The following ANTXR2 variants were observed in gnomAD, a reference collection of about 807,000 sequenced individuals.
ANTXR2 encodes ANTXR cell adhesion molecule 2.
ANTXR2 carries 44 observed loss-of-function variants against 73.7 expected under a neutral mutation model. That is an observed-to-expected ratio of 0.60 (90% CI 0.47 to 0.77). ANTXR2 has a LOEUF of 0.77. Among genes scored for constraint, ANTXR2 ranks in the 30% least tolerant of loss-of-function variants. ANTXR2 has a pLI of 0.00. For missense variants in ANTXR2, 604 were observed against 592.5 expected (o/e 1.02, Z -0.20); for synonymous variants, 217 against 205.9 (o/e 1.05, Z -0.46).
At chr4:79,933,095 A>G (rs1182949126) in intron 16 of ANTXR2, among the ~76,000 whole-genome samples, 1 of 152,218 alleles carries the variant, frequency 6.6e-6, no homozygotes, top group East Asian at 1.9e-4. Flanking sequence ...CCCACGGTGA[A>G]AAACTATTGA....
intron 16 of ANTXR2, among the ~76,000 whole-genome samples, chr4:79,921,334 C>T (rs2109944689): frequency 6.6e-6 from 1 of 151,976 alleles, no homozygotes; most frequent in South Asian, 2.1e-4. Context: ...TGATTTATTC[C>T]TAGTTAAGTT....
intron 16 of ANTXR2, among the ~76,000 whole-genome samples, chr4:79,950,480 C>A (rs1268558938): frequency 6.6e-6 from 1 of 152,102 alleles, no homozygotes; most frequent in East Asian, 1.9e-4. Context: ...CATTTCAAAC[C>A]AAAGCTACTA....
At chr4:80,010,774 A>T (rs1731532925) in intron 11 of ANTXR2, among the ~76,000 whole-genome samples, 1 of 152,188 alleles carries the variant, frequency 6.6e-6, no homozygotes, top group Non-Finnish European at 1.5e-5. Flanking sequence ...CATCGACAAA[A>T]TATTATGCAT....
At chr4:79,997,262 T>A (rs1730773009) in intron 12 of ANTXR2, among the ~76,000 whole-genome samples, 1 of 147,820 alleles carries the variant, frequency 6.8e-6, no homozygotes, top group South Asian at 2.1e-4. Flanking sequence ...TGCCTTGGAT[T>A]AAAAAAAAAA....
chr4:80,031,653 C>T lies in ANTXR2; in HGVS notation c.836G>A (p.Cys279Tyr). ...AGCTTTATTCAGGATAGGTGCAGGA[C>T]AAAGCATAGAATTAAGCTGTACACT... Reference protein sequence around the residue: ...PVSVQLNSMLCPAPILNKAGE... With the variant: ...PVSVQLNSMLYPAPILNKAGE... The change falls in exon 10 of 17, where the codon TGT becomes TAT. Residue 279 changes from cysteine to tyrosine, a missense_variant. Transcript: ENST00000403729. 1 of 1,530,060 alleles carries T rather than the reference C, an allele frequency of 6.5e-7. No individual in the cohort carries two copies. The highest frequency in any genetic ancestry group is 1.4e-5 in the South Asian group (1 of 73,806). The allele number at this position is 1,530,060 out of a possible 1,614,324, so 94.8% of individuals were successfully genotyped here. A position where few individuals can be genotyped will look rare whatever the true frequency, so the allele number is the denominator to read the frequency against.
In ANTXR2 at chr4:79,952,930, A is replaced by T. The variant is rs149458146; in HGVS notation, c.1428+24691T>A. 2.0e-4 allele frequency among the ~76,000 whole-genome samples: 30 copies of T among 152,258 alleles called. 1 individual carries two copies. Among genetic ancestry groups the T allele is most frequent in the African/African-American group, 6.7e-4 (28 of 41,562 alleles). On this transcript the variant is annotated intron_variant, in intron 16 of 16. Transcript: ENST00000403729. ...ATTTGATAAAACTTTCTTTCTCAGC[A>T]AAATATTATATAATATTAGCATGCC...
chr4:79,977,913 A>G, intron 15 of ANTXR2, 94 bp downstream of exon 15: 1 of 1,402,132 alleles, frequency 7.1e-7, no homozygotes, highest in Non-Finnish European at 9.7e-7. Flanking sequence ...AATTTCATCT[A>G]CCCTCTTTCA....
At chr4:80,014,250 C>T (rs956096136) in intron 11 of ANTXR2, among the ~76,000 whole-genome samples, 1 of 152,076 alleles carries the variant, frequency 6.6e-6, no homozygotes, top group East Asian at 1.9e-4. Flanking sequence ...GGTCTTGGAT[C>T]TCCCTTTTCT....
intron 7 of ANTXR2, among the ~76,000 whole-genome samples, chr4:80,042,895 T>C (rs1733337810): frequency 6.6e-6 from 1 of 152,056 alleles, no homozygotes; most frequent in African/African-American, 2.4e-5. Flanking sequence ...CTCTAAAACC[T>C]TTTTAACCGA....
chr4:79,911,797 CT>C (rs1156834784), intron 16 of ANTXR2, among the ~76,000 whole-genome samples: 1 of 151,640 alleles, frequency 6.6e-6, no homozygotes, highest in Non-Finnish European at 1.5e-5. Flanking sequence ...TTCTAAATAA[CT>C]TTTTTGATTT....
chr4:79,993,758 A>ACG (rs745424355), intron 12 of ANTXR2, among the ~76,000 whole-genome samples: 21 of 144,880 alleles, frequency 1.4e-4, no homozygotes, highest in South Asian at 8.6e-4. Flanking sequence ...ACACACACAC[A>ACG]CGCACACACA....
intron 7 of ANTXR2, among the ~76,000 whole-genome samples, chr4:80,053,353 C>T (rs1733850402): frequency 3.3e-5 from 5 of 151,596 alleles, no homozygotes; most frequent in Admixed American, 3.3e-4. Context: ...GTGATGAAAC[C>T]AAATTATGTT....
At chr4:80,058,508 T>G (rs1734103719) in intron 3 of ANTXR2, among the ~76,000 whole-genome samples, 1 of 152,012 alleles carries the variant, frequency 6.6e-6, no homozygotes, top group South Asian at 2.1e-4. Context: ...GGTATCACTT[T>G]AGGGGAAACA....
intron 14 of ANTXR2, among the ~76,000 whole-genome samples, chr4:79,980,742 C>CTAAAAATTCCCATTACCATAGTGTT (rs1729852072): frequency 6.6e-6 from 1 of 151,986 alleles, no homozygotes; most frequent in Non-Finnish European, 1.5e-5. Context: ...TTCCAGCTTT[C>CTAAAAATTCCCATTACCATAGTGTT]TAAAAATTCC....
chr4:79,995,482 A>T (rs989118036), intron 12 of ANTXR2, among the ~76,000 whole-genome samples: 2 of 152,050 alleles, frequency 1.3e-5, no homozygotes, highest in African/African-American at 2.4e-5. Flanking sequence ...ATAAAGTCAG[A>T]TAACCCAATT....
At chr4:80,045,286 C>CT (rs1346211729) in intron 7 of ANTXR2, among the ~76,000 whole-genome samples, 1 of 151,718 alleles carries the variant, frequency 6.6e-6, no homozygotes, top group African/African-American at 2.4e-5. Flanking sequence ...AGGATCAACT[C>CT]TAAATAATAA....
chr4:80,037,215 G>T (rs1018214455), intron 7 of ANTXR2, among the ~76,000 whole-genome samples: 1 of 152,146 alleles, frequency 6.6e-6, no homozygotes, highest in African/African-American at 2.4e-5. Flanking sequence ...AGAAGTTGAA[G>T]ACAGATTATT....
chr4:79,919,711 G>A (rs1727492974), intron 16 of ANTXR2, among the ~76,000 whole-genome samples: 1 of 151,614 alleles, frequency 6.6e-6, no homozygotes, highest in Non-Finnish European at 1.5e-5. Context: ...GAGGTTTTGG[G>A]ACTTGGGCTG....
chr4:79,961,730 C>A (rs938160016), intron 16 of ANTXR2, among the ~76,000 whole-genome samples: 3 of 152,118 alleles, frequency 2.0e-5, no homozygotes, highest in African/African-American at 7.2e-5. Flanking sequence ...GTGAGCCCCA[C>A]ACTCAGCCAA....
Sources: allele counts gnomAD v4.1 joint callset (sites outside exome capture counted in the v4.1 genomes callset), GRCh38; gene constraint gnomAD v4.1.1; transcripts MANE v1.5; gene names NCBI Gene and HGNC (gene_info 2026-07-23, HGNC 2026-07-21).